Variants in OGDH observed in about 807,000 individuals in gnomAD.
OGDH encodes the protein 2-oxoglutarate dehydrogenase complex component E1.
OGDH carries 38 observed loss-of-function variants against 116.6 expected under a neutral mutation model. The ratio of observed to expected loss-of-function variants is 0.33; its 90% CI spans 0.25 to 0.43. OGDH has a LOEUF of 0.43. Ranked by LOEUF, OGDH falls within the 20% of genes least tolerant of loss-of-function variation. The pLI, the probability that OGDH is intolerant of heterozygous loss-of-function variation, is 1.00. For missense variants in OGDH, 825 were observed against 1,357.2 expected (o/e 0.61, Z 6.16); for synonymous variants, 488 against 533.3 (o/e 0.92, Z 1.17).
chr7:44,692,575 T>A (rs1466405729), intron 10 of OGDH, among the ~76,000 whole-genome samples: 1 of 152,188 alleles, frequency 6.6e-6, no homozygotes, highest in African/African-American at 2.4e-5. Flanking sequence ...ACCGTTGGGA[T>A]TTGTTCATGT....
At chr7:44,680,638 G>A (rs1489139654) in intron 9 of OGDH, among the ~76,000 whole-genome samples, 1 of 152,096 alleles carries the variant, frequency 6.6e-6, no homozygotes, top group East Asian at 1.9e-4. Flanking sequence ...TATGCGGAAT[G>A]GGCCTAGAAA....
At chr7:44,680,539 T>TACACACACACACACAC (rs56718274) in intron 9 of OGDH, among the ~76,000 whole-genome samples, 8 of 145,850 alleles carry the variant, frequency 5.5e-5, no homozygotes, top group African/African-American at 1.7e-4. Flanking sequence ...TTTTATTGCA[T>TACACACACACACACAC]ACACACACAC....
chr7:44,627,881 T>C (rs1427328736), intron 2 of OGDH, among the ~76,000 whole-genome samples: 1 of 152,160 alleles, frequency 6.6e-6, no homozygotes, highest in African/African-American at 2.4e-5. Context: ...TTCACCATGT[T>C]GGCCAGGCTG....
At chr7:44,692,980 T>C (rs1386598869) in intron 10 of OGDH, among the ~76,000 whole-genome samples, 1 of 149,630 alleles carries the variant, frequency 6.7e-6, no homozygotes, top group Non-Finnish European at 1.5e-5. Context: ...CACTCCAGTC[T>C]GGTTGACAGA....
intron 20 of OGDH, among the ~76,000 whole-genome samples, chr7:44,706,119 CT>C (rs1789059584): frequency 6.6e-6 from 1 of 151,402 alleles, no homozygotes; most frequent in South Asian, 2.1e-4. Context: ...AATTTTTGTA[CT>C]TTTGTAGAGA....
intron 9 of OGDH, among the ~76,000 whole-genome samples, chr7:44,677,137 C>T (rs184325211): frequency 6.6e-6 from 1 of 152,162 alleles, no homozygotes; most frequent in East Asian, 1.9e-4. Flanking sequence ...TAATGATGAC[C>T]TAAAAACCAA....
chr7:44,620,310 C>T (rs539744430), intron 1 of OGDH, among the ~76,000 whole-genome samples: 4 of 152,326 alleles, frequency 2.6e-5, no homozygotes, highest in African/African-American at 7.2e-5. Flanking sequence ...CGTGAGCTAC[C>T]GCTCCTGGCC....
At chr7:44,661,760 C>A (rs1367238834) in intron 4 of OGDH, among the ~76,000 whole-genome samples, 1 of 151,820 alleles carries the variant, frequency 6.6e-6, no homozygotes, top group South Asian at 2.1e-4. Flanking sequence ...TGCCACCACA[C>A]CCAGATAATT....
At chr7:44,701,466 G>A in intron 19 of OGDH, 77 bp from the exon 20 acceptor site, 1 of 1,275,678 alleles carries the variant, frequency 7.8e-7, no homozygotes, top group South Asian at 1.2e-5. Context: ...GTCAAGGCTT[G>A]GGTAGCCTTG....
chr7:44,620,797 G>A (rs1016014357), intron 1 of OGDH, among the ~76,000 whole-genome samples: 6 of 151,868 alleles, frequency 4.0e-5, no homozygotes, highest in African/African-American at 1.5e-4. Flanking sequence ...TAGTGTTAGT[G>A]TATTTTATGT....
intron 4 of OGDH, among the ~76,000 whole-genome samples, chr7:44,657,956 G>A (rs1786767216): frequency 6.6e-6 from 1 of 152,104 alleles, no homozygotes; most frequent in South Asian, 2.1e-4. Context: ...GGACTTATTG[G>A]TGTGGGTCTA....
chr7:44,700,584 G>A (rs190621202), intron 19 of OGDH, among the ~76,000 whole-genome samples: 228 of 152,360 alleles, frequency 1.5e-3, no homozygotes, highest in African/African-American at 5.3e-3. Context: ...CATAGGGGGT[G>A]TGCTGAGCTC....
At chr7:44,640,908 T>C (rs942998480) in intron 2 of OGDH, among the ~76,000 whole-genome samples, 2 of 151,184 alleles carry the variant, frequency 1.3e-5, no homozygotes, top group Admixed American at 6.6e-5. Flanking sequence ...TTTTTTTTTT[T>C]CTTTGAGACA....
Position 44,704,890 on chromosome 7 carries a change from T to A in OGDH, c.2633-2335T>A, listed in dbSNP as rs571805271. 2.0e-5 allele frequency among the ~76,000 whole-genome samples: 3 copies of A among 151,436 alleles called. No individual in the cohort carries two copies. The South Asian group carries it at 6.3e-4, about 32-fold the overall frequency. ...CATGCCTAGCTAATTTTTGTATTTT[T>A]AGTATAGACAGGGTTCCACCATGTT... is the stretch of plus-strand genomic sequence containing the variant. On this transcript the variant is annotated intron_variant, in intron 20 of 22. Coordinates refer to ENST00000222673, the MANE Select transcript of OGDH (RefSeq NM_002541.4).
At chr7:44,641,251 G>A (rs1264594402) in intron 2 of OGDH, among the ~76,000 whole-genome samples, 2 of 133,496 alleles carry the variant, frequency 1.5e-5, no homozygotes, top group Non-Finnish European at 3.2e-5. Context: ...TTGGAAACAG[G>A]GTGTCACTCT....
chr7:44,649,648 G>C (rs1047441884), intron 4 of OGDH, among the ~76,000 whole-genome samples: 1 of 152,042 alleles, frequency 6.6e-6, no homozygotes, highest in African/African-American at 2.4e-5. Flanking sequence ...TATAACCAGG[G>C]GAGCTCTAAA....
At chr7:44,696,796 C>G in intron 14 of OGDH, 118 bp from the exon 15 acceptor site, 4 of 1,347,078 alleles carry the variant, frequency 3.0e-6, no homozygotes, top group Middle Eastern at 2.2e-4. Flanking sequence ...TCCAGCAAGT[C>G]AGGAACCCAG....
chr7:44,652,620 C>T (rs1786501557), intron 4 of OGDH, among the ~76,000 whole-genome samples: 1 of 152,016 alleles, frequency 6.6e-6, no homozygotes, highest in South Asian at 2.1e-4. Flanking sequence ...AGGCTCGTCT[C>T]AGACTCCTGG....
intron 10 of OGDH, among the ~76,000 whole-genome samples, chr7:44,692,409 C>G (rs142740170): frequency 1.4e-4 from 21 of 152,294 alleles, no homozygotes; most frequent in African/African-American, 5.1e-4. Flanking sequence ...TGCAAAGTTA[C>G]CAACAAGCCT....
Sources: gnomAD v4.1 joint callset for allele counts (sites outside exome capture counted in the v4.1 genomes callset) on GRCh38, gnomAD v4.1.1 for gene constraint, MANE v1.5 for transcripts, NCBI Gene and HGNC (gene_info 2026-07-23, HGNC 2026-07-21) for gene names.